The following PTK2 variants were observed in gnomAD, a reference collection of about 807,000 sequenced individuals.
The protein encoded by PTK2 is protein tyrosine kinase 2.
PTK2 carries 45 observed loss-of-function variants against 150.1 expected under a neutral mutation model. That is an observed-to-expected ratio of 0.30 (90% confidence interval 0.24 to 0.38). PTK2 has a LOEUF of 0.38. Ranked by LOEUF, PTK2 falls within the 10% of genes least tolerant of loss-of-function variation. The pLI, the probability that PTK2 is intolerant of heterozygous loss-of-function variation, is 1.00. For synonymous variants in PTK2, 432 were observed against 449.2 expected, an observed-to-expected ratio of 0.96 and a Z score of 0.48; for missense variants, 919 against 1,307.3, an observed-to-expected ratio of 0.70 and a Z score of 4.58.
chr8:140,848,251 C>T (rs973716321), intron 5 of PTK2, among the ~76,000 whole-genome samples: 1 of 152,180 alleles, frequency 6.6e-6, no homozygotes, highest in Non-Finnish European at 1.5e-5. Flanking sequence ...CTTTAACCTA[C>T]CAGGAATTTA....
At chr8:140,673,273 A>G (rs1221019493) in intron 29 of PTK2, among the ~76,000 whole-genome samples, 1 of 151,930 alleles carries the variant, frequency 6.6e-6, no homozygotes, top group Non-Finnish European at 1.5e-5. Context: ...ACGCCCAGCT[A>G]ATTTCTTTGT....
chr8:140,898,388 T>C (rs1049216473), intron 2 of PTK2, among the ~76,000 whole-genome samples: 4 of 152,208 alleles, frequency 2.6e-5, no homozygotes, highest in Admixed American at 2.6e-4. Context: ...TTTAAATCAC[T>C]GTAGGCAAGA....
At chr8:140,751,846 ATTCCT>A in intron 17 of PTK2, 2 of 505,654 alleles carry the variant, frequency 4.0e-6, no homozygotes, top group South Asian at 2.9e-5. Context: ...ATAGAGCCCT[ATTCCT>A]TCACTAGTCT....
intron 2 of PTK2, among the ~76,000 whole-genome samples, chr8:140,918,905 C>G (rs1011079360): frequency 2.6e-5 from 4 of 152,142 alleles, no homozygotes; most frequent in Non-Finnish European, 4.4e-5. Flanking sequence ...TCAGCCAATT[C>G]CTATACACCA....
intron 8 of PTK2, among the ~76,000 whole-genome samples, chr8:140,824,270 T>C (rs1244776317): frequency 6.6e-6 from 1 of 152,246 alleles, no homozygotes; most frequent in African/African-American, 2.4e-5. Context: ...CCAATTTTAC[T>C]GTATTTGTCT....
chr8:140,784,958 G>A, intron 14 of PTK2, among the ~76,000 whole-genome samples: 1 of 152,166 alleles, frequency 6.6e-6, no homozygotes, highest in East Asian at 1.9e-4. Context: ...AAAGTACCTG[G>A]TATCTTCTCT....
chr8:140,676,076 C>G (rs2100013450), intron 27 of PTK2, among the ~76,000 whole-genome samples: 1 of 152,024 alleles, frequency 6.6e-6, no homozygotes, highest in South Asian at 2.1e-4. Flanking sequence ...ACTATTTAAC[C>G]ACAAAAAAGA....
At chr8:140,658,663 A>G (rs1449087788) in exon 32 of PTK2, 1 of 211,094 alleles carries the variant, frequency 4.7e-6, no homozygotes, top group East Asian at 7.1e-5. Flanking sequence ...TTCTTTATAA[A>G]TTATATAAAA....
chr8:140,912,123 G>T (rs928243218), intron 2 of PTK2, among the ~76,000 whole-genome samples: 2 of 151,908 alleles, frequency 1.3e-5, no homozygotes, highest in South Asian at 4.2e-4. Flanking sequence ...CGCACCTGTA[G>T]TCCCAGCTAC....
At position 140,799,392 on chromosome 8, in the gene PTK2, C is replaced by T. The variant is rs1254405461; in HGVS notation, c.1093+1067G>A. Reference sequence around the variant, plus strand: ...TGACTTGAATGCACTCCACACAGCACTTCAGGACTTTTTTTCCTCTATAAT... The same window carrying T: ...TGACTTGAATGCACTCCACACAGCATTTCAGGACTTTTTTTCCTCTATAAT... On this transcript the variant is annotated intron_variant, in intron 12 of 31. Coordinates refer to ENST00000522684, the Ensembl canonical transcript of PTK2. 2 of 152,242 alleles carry T rather than the reference C, an allele frequency of 1.3e-5. 1 individual carries two copies. Among genetic ancestry groups the T allele is most frequent in the South Asian group, 4.1e-4 (2 of 4,838 alleles). 9.4% of individuals were successfully genotyped at this position (152,242 alleles called of 1,614,324 possible).
intron 13 of PTK2, among the ~76,000 whole-genome samples, 187 bp downstream of exon 13, chr8:140,793,167 C>A (rs926063065): frequency 6.6e-6 from 1 of 152,238 alleles, no homozygotes; most frequent in Non-Finnish European, 1.5e-5. Context: ...AAAATTAAAA[C>A]CTTTTGATTA....
At chr8:140,905,035 G>GAAGAAGA (rs2100160301) in intron 2 of PTK2, among the ~76,000 whole-genome samples, 1 of 152,106 alleles carries the variant, frequency 6.6e-6, no homozygotes, top group Non-Finnish European at 1.5e-5. Context: ...TCTTCTGCTA[G>GAAGAAGA]CATTTGAATG....
chr8:140,982,369 C>G (rs532404876), intron 1 of PTK2, among the ~76,000 whole-genome samples: 1 of 152,178 alleles, frequency 6.6e-6, no homozygotes, highest in Admixed American at 6.5e-5. Context: ...GAGGCTGAGG[C>G]GGGCAGATCA....
At chr8:140,711,976 C>A (rs978132568) in intron 23 of PTK2, among the ~76,000 whole-genome samples, 1 of 152,018 alleles carries the variant, frequency 6.6e-6, no homozygotes, top group Non-Finnish European at 1.5e-5. Flanking sequence ...TATATAAATG[C>A]CGTGCTGGGT....
intron 17 of PTK2, among the ~76,000 whole-genome samples, chr8:140,750,895 C>T (rs1035662191): frequency 6.6e-6 from 1 of 152,044 alleles, no homozygotes; most frequent in African/African-American, 2.4e-5. Flanking sequence ...TGGGAAACAG[C>T]AAAAACCTGT....
intron 4 of PTK2, among the ~76,000 whole-genome samples, chr8:140,872,941 T>A (rs1344525671): frequency 6.6e-6 from 1 of 152,252 alleles, no homozygotes; most frequent in Non-Finnish European, 1.5e-5. Context: ...ACTTACTTTG[T>A]CACATGATGT....
At chr8:140,992,732 G>T (rs1370654110) in intron 1 of PTK2, among the ~76,000 whole-genome samples, 1 of 152,166 alleles carries the variant, frequency 6.6e-6, no homozygotes, top group African/African-American at 2.4e-5. Flanking sequence ...AAATCTCAGG[G>T]AGAGATTCTG....
chr8:140,714,297 T>C (rs2100038363), intron 23 of PTK2, among the ~76,000 whole-genome samples: 2 of 152,134 alleles, frequency 1.3e-5, no homozygotes, highest in South Asian at 4.1e-4. Context: ...TTAAAATTTT[T>C]CTATATTAGT....
chr8:140,935,290 C>T (rs2100173220), intron 1 of PTK2, among the ~76,000 whole-genome samples: 1 of 152,134 alleles, frequency 6.6e-6, no homozygotes, highest in East Asian at 1.9e-4. Flanking sequence ...AAAAATGATT[C>T]ATATCAACAA....
Sources: allele counts gnomAD v4.1 joint callset (sites outside exome capture counted in the v4.1 genomes callset), GRCh38; gene constraint gnomAD v4.1.1; transcripts MANE v1.5; gene names NCBI Gene and HGNC (gene_info 2026-07-23, HGNC 2026-07-21).